The following STAG1 variants were observed in gnomAD, a reference collection of about 807,000 sequenced individuals.
STAG1 encodes STAG1 cohesin complex component.
STAG1 carries 26 observed loss-of-function variants against 170.9 expected under a neutral mutation model. That is an observed-to-expected ratio of 0.15 (90% CI 0.11 to 0.21). STAG1 has a LOEUF of 0.21. Among genes scored for constraint, STAG1 ranks in the 10% least tolerant of loss-of-function variants. The pLI is 1.00. For missense variants in STAG1, 964 were observed against 1,509.5 expected, an observed-to-expected ratio of 0.64 and a Z score of 5.99; for synonymous variants, 514 against 497.7, an observed-to-expected ratio of 1.03 and a Z score of -0.44.
intron 21 of STAG1, among the ~76,000 whole-genome samples, chr3:136,411,889 G>A (rs2087633943): frequency 1.3e-5 from 2 of 151,240 alleles, no homozygotes; most frequent in African/African-American, 2.4e-5. Flanking sequence ...AGGTTGCAGT[G>A]AGCCAAGATC....
At position 136,472,424 on chromosome 3, in the gene STAG1, A is replaced by C; in HGVS notation, c.1194T>G (p.Thr398=). Residue 398 remains threonine, a synonymous_variant, in exon 12 of 34, where the codon ACT becomes ACG. Transcript: ENST00000383202. ...DVAVEAIRLV[T]LILHGSEEAL... ...TGGATATTACTTACTGAAGTATCAG[A>C]GTAACCAATCGAATAGCTTCCACAG... 1 of 1,610,942 alleles carries C rather than the reference A, an allele frequency of 6.2e-7. No individual in the cohort carries two copies. Among genetic ancestry groups the C allele is most frequent in the Non-Finnish European group, 8.5e-7 (1 of 1,177,662 alleles).
chr3:136,696,785 T>C (rs891662270), intron 1 of STAG1, among the ~76,000 whole-genome samples: 1 of 152,180 alleles, frequency 6.6e-6, no homozygotes, highest in African/African-American at 2.4e-5. Context: ...AAAGGTTACA[T>C]ATCAAATGAT....
chr3:136,421,276 G>A (rs530277326), intron 19 of STAG1, 113 bp from the exon 20 acceptor site: 120 of 498,486 alleles, frequency 2.4e-4, no homozygotes, highest in African/African-American at 2.3e-3. Flanking sequence ...TATATTCATT[G>A]TAGATCCATA....
At chr3:136,349,646 T>TA (rs200427885) in intron 28 of STAG1, among the ~76,000 whole-genome samples, 4,658 of 151,586 alleles carry the variant, frequency 0.031, 91 homozygotes, top group Middle Eastern at 0.095. Flanking sequence ...ACACCAATGT[T>TA]AAAAAAAAAT....
In STAG1 at chr3:136,426,256, A is replaced by G. The variant is rs181132308; in HGVS notation, c.1651-3212T>C. Among the ~76,000 whole-genome samples, 378 of 152,154 alleles carry G rather than the reference A, an allele frequency of 2.5e-3. 3 individuals are homozygous for G. The highest frequency in any genetic ancestry group is 0.012 in the Admixed American group (178 of 15,278). On this transcript the variant is annotated intron_variant, in intron 16 of 33. Transcript: ENST00000383202. ...CCCCGTCTCTACTAAAAATACAAAA[A>G]AAAATTAGCTGCGTGAGGTGGCAGG...
intron 1 of STAG1, among the ~76,000 whole-genome samples, chr3:136,741,793 G>A (rs1435512416): frequency 6.6e-6 from 1 of 152,036 alleles, no homozygotes; most frequent in Non-Finnish European, 1.5e-5. Flanking sequence ...AGCAATACTC[G>A]ACTATATACT....
intron 1 of STAG1, among the ~76,000 whole-genome samples, chr3:136,683,024 ATAT>A (rs1369817500): frequency 6.6e-6 from 1 of 152,194 alleles, no homozygotes; most frequent in East Asian, 1.9e-4. Context: ...AAATATACAA[ATAT>A]TATATGGTTC....
rs1217133047 is a variant in STAG1 at position 136,718,363 on chromosome 3, TAA to T, written c.-84+33830_-84+33831del. Among the ~76,000 whole-genome samples, 4 of 152,318 alleles carry T rather than the reference TAA, an allele frequency of 2.6e-5. No individual in the cohort carries two copies. The East Asian group carries it at 7.7e-4, about 29-fold the overall frequency. ...TGTATTGTATGAAATTTTCCATAATTAAAAGTTTTTTTAATAATTAATAATAC... is the reference window on the plus strand; with the variant it reads ...TGTATTGTATGAAATTTTCCATAATTAAGTTTTTTTAATAATTAATAATAC... On this transcript the variant is annotated intron_variant, in intron 1 of 33. Coordinates refer to ENST00000383202, the MANE Select transcript of STAG1 (RefSeq NM_005862.3).
chr3:136,442,945 G>C (rs1449151871), intron 15 of STAG1, among the ~76,000 whole-genome samples: 5 of 152,164 alleles, frequency 3.3e-5, no homozygotes, highest in Non-Finnish European at 7.3e-5. Flanking sequence ...GTAGTTCAAG[G>C]CTGCAGTGAG....
intron 1 of STAG1, among the ~76,000 whole-genome samples, chr3:136,741,870 G>T (rs1002508058): frequency 1.3e-5 from 2 of 152,112 alleles, no homozygotes; most frequent in Admixed American, 6.6e-5. Context: ...ATATATTATG[G>T]AAACAGTAAG....
At chr3:136,745,991 G>GGGGTAT (rs1426171135) in intron 1 of STAG1, among the ~76,000 whole-genome samples, 24 of 152,114 alleles carry the variant, frequency 1.6e-4, no homozygotes, top group Non-Finnish European at 2.9e-4. Flanking sequence ...GAAGCAATAA[G>GGGGTAT]GGGTATGTTA....
chr3:136,649,403 C>T lies in STAG1; in HGVS notation c.-83-18422G>A, dbSNP rs992024467. Reference sequence around the variant, plus strand: ...CTGAGGCATGAGAATTGCTTGAACCCGGGAGGCGGAGGTTGCAGTGAGTGG... The same window carrying T: ...CTGAGGCATGAGAATTGCTTGAACCTGGGAGGCGGAGGTTGCAGTGAGTGG... On this transcript the variant is annotated intron_variant, in intron 1 of 33. Coordinates refer to ENST00000383202, the MANE Select transcript of STAG1 (RefSeq NM_005862.3). Among the ~76,000 whole-genome samples, 43 of 150,064 alleles carry T rather than the reference C, an allele frequency of 2.9e-4. 1 individual carries two copies. The highest frequency in any genetic ancestry group is 1.0e-3 in the African/African-American group (42 of 40,766).
intron 22 of STAG1, among the ~76,000 whole-genome samples, chr3:136,384,770 G>GA (rs112181904): frequency 0.025 from 2,512 of 99,300 alleles, 61 homozygotes; most frequent in African/African-American, 0.08. Flanking sequence ...TCCATTTCAA[G>GA]AAAAAAAAAA....
At chr3:136,718,061 T>C (rs775026897) in intron 1 of STAG1, among the ~76,000 whole-genome samples, 10 of 152,184 alleles carry the variant, frequency 6.6e-5, no homozygotes, top group Non-Finnish European at 1.2e-4. Context: ...GACTCGTGTA[T>C]TTACTGTAAA....
chr3:136,580,441 T>TA (rs1479391796), intron 4 of STAG1, among the ~76,000 whole-genome samples: 1 of 151,898 alleles, frequency 6.6e-6, no homozygotes, highest in Non-Finnish European at 1.5e-5. Flanking sequence ...AAAAGGTGGC[T>TA]ATTATATGGT....
chr3:136,470,256 C>T (rs1285338748), intron 12 of STAG1, among the ~76,000 whole-genome samples: 2 of 152,138 alleles, frequency 1.3e-5, no homozygotes, highest in South Asian at 2.1e-4. Flanking sequence ...GGCTAATATC[C>T]AGAATTTACA....
At chr3:136,625,731 C>T (rs568071531) in intron 2 of STAG1, among the ~76,000 whole-genome samples, 75 of 152,306 alleles carry the variant, frequency 4.9e-4, no homozygotes, top group Non-Finnish European at 3.2e-4. Context: ...ACAATCACCA[C>T]TCCCCATGAT....
chr3:136,479,070 T>C lies in STAG1; in HGVS notation c.903-1658A>G, dbSNP rs933058764. ...GCTATTATAATCTTTCTTTTTTTTT[T>C]TTTTTTAATTTTTTTTTTTATTATA... On this transcript the variant is annotated intron_variant, in intron 9 of 33. Transcript: ENST00000383202. 6.6e-3 allele frequency among the ~76,000 whole-genome samples: 989 copies of C among 150,684 alleles called. 13 individuals are homozygous for C. Among genetic ancestry groups the C allele is most frequent in the African/African-American group, 0.023 (930 of 41,186 alleles).
chr3:136,418,108 C>T, intron 20 of STAG1, 136 bp from the exon 21 acceptor site: 1 of 666,478 alleles, frequency 1.5e-6, no homozygotes, highest in Non-Finnish European at 2.5e-6. Flanking sequence ...AATCCCAGCA[C>T]TCTGGAAGGC....
Sources: gnomAD v4.1 joint callset for allele counts (sites outside exome capture counted in the v4.1 genomes callset) on GRCh38, gnomAD v4.1.1 for gene constraint, MANE v1.5 for transcripts, NCBI Gene and HGNC (gene_info 2026-07-23, HGNC 2026-07-21) for gene names.